Variants in MYH10 observed in about 807,000 individuals in gnomAD.
MYH10 encodes myosin heavy chain 10.
A neutral mutation model predicts 257.8 loss-of-function variants in MYH10; 55 were observed. That is an observed-to-expected ratio of 0.21 (90% CI 0.17 to 0.27). The LOEUF is 0.27. Among genes scored for constraint, MYH10 ranks in the 10% least tolerant of loss-of-function variants. MYH10 has a pLI of 1.00. For missense variants in MYH10, 1,631 were observed against 2,500.6 expected (o/e 0.65, Z 7.42); for synonymous variants, 854 against 921.7 (o/e 0.93, Z 1.33).
At chr17:8,598,880 T>C (rs1011653072) in intron 3 of MYH10, among the ~76,000 whole-genome samples, 3 of 152,252 alleles carry the variant, frequency 2.0e-5, no homozygotes, top group African/African-American at 7.2e-5. Flanking sequence ...CTAATTTTTT[T>C]ATTTTTCGTA....
At chr17:8,491,417 G>T (rs1265626162) in intron 34 of MYH10, among the ~76,000 whole-genome samples, 1 of 152,126 alleles carries the variant, frequency 6.6e-6, no homozygotes, top group Non-Finnish European at 1.5e-5. Context: ...TTGTCCATGG[G>T]GCTAGTCCCT....
chr17:8,501,289 TA>T (rs200597913), intron 28 of MYH10, among the ~76,000 whole-genome samples: 39 of 151,210 alleles, frequency 2.6e-4, no homozygotes, highest in African/African-American at 7.8e-4. Context: ...ACCCTATCTT[TA>T]AAAAAAAACC....
chr17:8,588,897 C>A (rs1167853299), intron 4 of MYH10, among the ~76,000 whole-genome samples, 184 bp downstream of exon 4: 2 of 152,196 alleles, frequency 1.3e-5, no homozygotes, highest in African/African-American at 4.8e-5. Flanking sequence ...AAAGCCCAGA[C>A]TGACAACCAA....
At chr17:8,488,009 G>A (rs1915160751) in intron 35 of MYH10, among the ~76,000 whole-genome samples, 1 of 152,200 alleles carries the variant, frequency 6.6e-6, no homozygotes, top group Non-Finnish European at 1.5e-5. Flanking sequence ...GAGCTGTGAG[G>A]ACATGGGGCA....
At chr17:8,532,551 C>G (rs144929910) in intron 16 of MYH10, among the ~76,000 whole-genome samples, 3 of 152,312 alleles carry the variant, frequency 2.0e-5, no homozygotes, top group East Asian at 1.9e-4. Flanking sequence ...GACATCCCAG[C>G]CTCCCACCTC....
At chr17:8,594,210 A>G (rs2084275708) in intron 3 of MYH10, among the ~76,000 whole-genome samples, 1 of 152,230 alleles carries the variant, frequency 6.6e-6, no homozygotes, top group Non-Finnish European at 1.5e-5. Context: ...TTATCCAATA[A>G]AAGACTTATA....
intron 32 of MYH10, among the ~76,000 whole-genome samples, 196 bp downstream of exon 32, chr17:8,493,537 C>T (rs769538934): frequency 6.6e-6 from 1 of 152,150 alleles, no homozygotes; most frequent in Non-Finnish European, 1.5e-5. Flanking sequence ...TTGACACAGT[C>T]CTAGGTCCTT....
At chr17:8,546,041 T>A (rs1017876800) in intron 12 of MYH10, among the ~76,000 whole-genome samples, 3 of 152,076 alleles carry the variant, frequency 2.0e-5, no homozygotes, top group African/African-American at 4.8e-5. Flanking sequence ...TTACTTTTTT[T>A]AAAAAATCAC....
chr17:8,548,540 T>C (rs754250718), intron 10 of MYH10, 104 bp downstream of exon 10: 159 of 1,463,246 alleles, frequency 1.1e-4, no homozygotes, highest in Non-Finnish European at 1.3e-4. Context: ...CAGGATTTCA[T>C]ACAATTCATT....
Position 8,574,915 on chromosome 17 carries a change from T to C in MYH10, c.663+1728A>G, listed in dbSNP as rs376288804. Among the ~76,000 whole-genome samples the C allele has an allele frequency of 1.1e-4, 16 of 152,170 alleles. No homozygotes were observed. The East Asian group carries it at 2.7e-3, about 26-fold the overall frequency. On this transcript the variant is annotated intron_variant, in intron 6 of 42. Coordinates refer to ENST00000360416, the MANE Select transcript of MYH10 (RefSeq NM_001256012.3). Reference sequence around the variant, plus strand: ...TCCACGGTGTGACCATTCCGTACGGTGCTGTTAAGTATTTCACGTTCCTCA... The same window carrying C: ...TCCACGGTGTGACCATTCCGTACGGCGCTGTTAAGTATTTCACGTTCCTCA...
Position 8,512,706 on chromosome 17 carries a change from A to G in MYH10, c.2746-49T>C, listed in dbSNP as rs779887244. 4 of 1,473,214 alleles carry G rather than the reference A, an allele frequency of 2.7e-6. No individual in the cohort carries two copies. The African/African-American group carries it at 4.2e-5, about 15-fold the overall frequency. The allele number at this position is 1,473,214 out of a possible 1,614,324, so 91.3% of individuals were successfully genotyped here. A position where few individuals can be genotyped will look rare whatever the true frequency, so the allele number is the denominator to read the frequency against. On this transcript the variant is annotated intron_variant, in intron 23 of 42. Transcript: ENST00000360416. ...TGATTTGCCCCTATTACATACGTAC[A>G]CAGTATATATTCGCCGTGATTTCAA...
intron 14 of MYH10, among the ~76,000 whole-genome samples, chr17:8,537,098 A>G (rs2082163738): frequency 6.6e-6 from 1 of 152,186 alleles, no homozygotes; most frequent in South Asian, 2.1e-4. Flanking sequence ...TTGGAGGTAA[A>G]TGACACATGA....
At chr17:8,581,629 C>T (rs1215796722) in intron 4 of MYH10, among the ~76,000 whole-genome samples, 1 of 152,132 alleles carries the variant, frequency 6.6e-6, no homozygotes, top group African/African-American at 2.4e-5. Context: ...TACTGTTGAG[C>T]TCCCAAGAGG....
In MYH10 at chr17:8,535,086, C is replaced by T. The variant is rs1490216275; in HGVS notation, c.1894+301G>A. Among the ~76,000 whole-genome samples the T allele has an allele frequency of 1.3e-5, 2 of 152,134 alleles. No homozygotes were observed. The highest frequency in any genetic ancestry group is 2.9e-5 in the Non-Finnish European group (2 of 68,034). The stretch of plus-strand genomic sequence containing the variant: ...TTTGTGTTCCAGTGTTCCTGGATTA[C>T]AACTGACTTGGGACTGTGGTGGCCT... On this transcript the variant is annotated intron_variant, in intron 16 of 42. Transcript: ENST00000360416. This position sits in a 1 kb window ranked among gnomAD's most constrained non-coding sequence, Gnocchi z 4.3.
At chr17:8,585,288 G>GTGTGTATATATATATATATATATA (rs1282490980) in intron 4 of MYH10, among the ~76,000 whole-genome samples, 8 of 99,330 alleles carry the variant, frequency 8.1e-5, no homozygotes, top group Admixed American at 2.2e-4. Context: ...GTGTGTGTGT[G>GTGTGTATATATATATATATATATA]TATATATATA....
At chr17:8,508,906 G>A (rs1225042316) in intron 25 of MYH10, among the ~76,000 whole-genome samples, 3 of 152,140 alleles carry the variant, frequency 2.0e-5, no homozygotes, top group Non-Finnish European at 2.9e-5. Context: ...AAACTTCATC[G>A]AGAGCTGTCA....
intron 17 of MYH10, among the ~76,000 whole-genome samples, chr17:8,523,075 A>T (rs530977956): frequency 6.6e-6 from 1 of 152,204 alleles, no homozygotes; most frequent in Non-Finnish European, 1.5e-5. Flanking sequence ...AATAAGGCAC[A>T]ATACAAATGC....
chr17:8,476,381 A>G (rs1912611269), intron 42 of MYH10, among the ~76,000 whole-genome samples: 2 of 152,232 alleles, frequency 1.3e-5, no homozygotes, highest in Non-Finnish European at 2.9e-5. Flanking sequence ...CAGGGTATGC[A>G]CCAAATCTGC....
chr17:8,498,786 T>C (rs957618428), intron 30 of MYH10, among the ~76,000 whole-genome samples: 17 of 151,926 alleles, frequency 1.1e-4, no homozygotes, highest in Admixed American at 1.1e-3. Flanking sequence ...AGACAGAGGG[T>C]GCAGTGAGCA....
Sources: gnomAD v4.1 joint callset for allele counts (sites outside exome capture counted in the v4.1 genomes callset) on GRCh38, gnomAD v4.1.1 for gene constraint, Gnocchi (gnomAD v3.1) non-coding constraint, MANE v1.5 for transcripts, NCBI Gene and HGNC (gene_info 2026-07-23, HGNC 2026-07-21) for gene names.